NIPSNAP2: variants seen among roughly 807,000 people sequenced by gnomAD.
NIPSNAP2 encodes protein NipSnap homolog 2.
A neutral mutation model predicts 48.4 loss-of-function variants in NIPSNAP2; 42 were observed. That is an observed-to-expected ratio of 0.87 (90% CI 0.68 to 1.12). The LOEUF is 1.12. Ranked by LOEUF, NIPSNAP2 falls within the 50% of genes most tolerant of loss-of-function variation. NIPSNAP2 has a pLI of 0.00. For missense variants in NIPSNAP2, 314 were observed against 347.3 expected (o/e 0.90, Z 0.76); for synonymous variants, 158 against 126.6 (o/e 1.25, Z -1.67).
intron 7 of NIPSNAP2, 23 bp from the exon 8 acceptor site, chr7:55,994,871 C>G (rs1398505003): frequency 6.2e-7 from 1 of 1,603,600 alleles, no homozygotes; most frequent in East Asian, 2.2e-5. Flanking sequence ...GTGTCTTAAA[C>G]AAACATCATC....
intron 7 of NIPSNAP2, among the ~76,000 whole-genome samples, chr7:55,990,645 CTATT>C (rs1486519555): frequency 1.3e-5 from 2 of 152,150 alleles, no homozygotes; most frequent in African/African-American, 4.8e-5. Flanking sequence ...CATTTCATAA[CTATT>C]TACCCACAAA....
chr7:55,990,406 G>GT (rs1787419298), intron 7 of NIPSNAP2, among the ~76,000 whole-genome samples: 1 of 151,652 alleles, frequency 6.6e-6, no homozygotes, highest in Admixed American at 6.6e-5. Context: ...TTTTTTGTGT[G>GT]TTTTTTAGTA....
intron 1 of NIPSNAP2, among the ~76,000 whole-genome samples, chr7:55,973,341 C>T (rs1435561327): frequency 1.3e-5 from 2 of 152,000 alleles, no homozygotes; most frequent in Non-Finnish European, 2.9e-5. Flanking sequence ...ATTGCATTTA[C>T]TGGTATTGTT....
chr7:55,995,114 C>CA, intron 8 of NIPSNAP2, 126 bp downstream of exon 8: 1 of 766,636 alleles, frequency 1.3e-6, no homozygotes, highest in Non-Finnish European at 2.3e-6. Context: ...CACAGAGGGA[C>CA]AGTCTGTACG....
intron 3 of NIPSNAP2, 34 bp from the exon 4 acceptor site, chr7:55,981,439 T>C (rs767688004): frequency 1.3e-6 from 2 of 1,546,710 alleles, no homozygotes; most frequent in African/African-American, 2.7e-5. Flanking sequence ...TTTTGCTGGT[T>C]GTTTAATTAG....
intron 1 of NIPSNAP2, among the ~76,000 whole-genome samples, chr7:55,973,129 GA>G (rs1787045425): frequency 6.6e-6 from 1 of 151,950 alleles, no homozygotes; most frequent in Non-Finnish European, 1.5e-5. Flanking sequence ...ATACAGAAGA[GA>G]AAAGCACAAT....
At chr7:55,969,453 T>C (rs1373910159) in intron 1 of NIPSNAP2, among the ~76,000 whole-genome samples, 8 of 152,204 alleles carry the variant, frequency 5.3e-5, no homozygotes, top group African/African-American at 1.9e-4. Context: ...TCTGCTCCTC[T>C]TCTTTCCAGT....
chr7:55,998,565 A>C (rs928588901), intron 9 of NIPSNAP2, among the ~76,000 whole-genome samples: 1 of 127,736 alleles, frequency 7.8e-6, no homozygotes, highest in Non-Finnish European at 1.6e-5. Context: ...CAGTGACGCG[A>C]TCTCGGCTCA....
chr7:55,991,794 C>T (rs1219535182), intron 7 of NIPSNAP2: 3 of 233,620 alleles, frequency 1.3e-5, no homozygotes, highest in South Asian at 5.5e-5. Context: ...TTTATAAAGC[C>T]AGTTTAGCAT....
At chr7:55,990,021 G>A (rs1787411425) in intron 7 of NIPSNAP2, among the ~76,000 whole-genome samples, 1 of 151,708 alleles carries the variant, frequency 6.6e-6, no homozygotes, top group Admixed American at 6.6e-5. Flanking sequence ...AGGAGATGGA[G>A]GCTGCAGTGA....
intron 1 of NIPSNAP2, among the ~76,000 whole-genome samples, chr7:55,965,709 T>C (rs1479208440): frequency 1.3e-5 from 2 of 152,134 alleles, no homozygotes; most frequent in Non-Finnish European, 2.9e-5. Context: ...TCCTCCCAAG[T>C]AGCTGGGATT....
intron 7 of NIPSNAP2, among the ~76,000 whole-genome samples, chr7:55,988,604 A>C (rs1274867383): frequency 6.6e-6 from 1 of 152,194 alleles, no homozygotes; most frequent in African/African-American, 2.4e-5. Flanking sequence ...TCACGCCTGT[A>C]ATCCCAGCAC....
At chr7:55,992,565 C>T (rs1233885599) in intron 7 of NIPSNAP2, among the ~76,000 whole-genome samples, 1 of 152,104 alleles carries the variant, frequency 6.6e-6, no homozygotes, top group African/African-American at 2.4e-5. Context: ...TGTTATCATT[C>T]AGTATATATG....
intron 3 of NIPSNAP2, chr7:55,979,997 C>T (rs2116348026): frequency 6.6e-5 from 25 of 380,046 alleles, no homozygotes; most frequent in South Asian, 4.7e-4. Context: ...TTGCCAGGCC[C>T]CTTTCTGGAC....
intron 1 of NIPSNAP2, among the ~76,000 whole-genome samples, chr7:55,970,039 T>G (rs943393561): frequency 1.0e-4 from 15 of 150,204 alleles, no homozygotes; most frequent in African/African-American, 3.4e-4. Context: ...TCCTGCTGCC[T>G]CATCCTGTGG....
intron 4 of NIPSNAP2, 89 bp downstream of exon 4, chr7:55,981,656 C>G (rs764207696): frequency 6.0e-5 from 47 of 779,514 alleles, no homozygotes; most frequent in Non-Finnish European, 9.3e-5. Context: ...TTGTTCTTAT[C>G]ATCAAAGCTT....
Position 55,999,740 on chromosome 7 carries a change from T to A in NIPSNAP2, c.*668T>A, listed in dbSNP as rs975453820. On this transcript the variant is annotated 3_prime_UTR_variant, in exon 10 of 10. Coordinates refer to ENST00000322090, the MANE Select transcript of NIPSNAP2 (RefSeq NM_001483.3). Reference sequence around the variant, plus strand: ...TGGCTTGAAACTTGTGTATCATATGTGATTTTGAAATGAACACCTTGAATA... The same window carrying A: ...TGGCTTGAAACTTGTGTATCATATGAGATTTTGAAATGAACACCTTGAATA... 3 of 152,302 alleles carry A rather than the reference T, an allele frequency of 2.0e-5. No homozygotes were observed. The highest frequency in any genetic ancestry group is 2.9e-5 in the Non-Finnish European group (2 of 68,046). 9.4% of individuals were successfully genotyped at this position (152,302 alleles called of 1,614,324 possible).
At chr7:55,971,243 A>G (rs1045365978) in intron 1 of NIPSNAP2, among the ~76,000 whole-genome samples, 2 of 152,118 alleles carry the variant, frequency 1.3e-5, no homozygotes, top group African/African-American at 4.8e-5. Context: ...GTCACCTGAC[A>G]CTCAAAGATT....
At chr7:55,971,265 G>A (rs1787011488) in intron 1 of NIPSNAP2, among the ~76,000 whole-genome samples, 1 of 152,200 alleles carries the variant, frequency 6.6e-6, no homozygotes, top group Non-Finnish European at 1.5e-5. Flanking sequence ...CAGTTTGACG[G>A]TTGGGGGTAG....
Sources: gnomAD v4.1 joint callset for allele counts (sites outside exome capture counted in the v4.1 genomes callset) on GRCh38, gnomAD v4.1.1 for gene constraint, MANE v1.5 for transcripts, NCBI Gene and HGNC (gene_info 2026-07-23, HGNC 2026-07-21) for gene names.